The following AHRR variants were observed in gnomAD, a reference collection of about 807,000 sequenced individuals.
AHRR encodes aryl hydrocarbon receptor repressor.
In AHRR, 28 loss-of-function variants were observed where a neutral mutation model predicts 44.0. The ratio of observed to expected loss-of-function variants is 0.64; its 90% CI spans 0.47 to 0.87. AHRR has a LOEUF of 0.87. Ranked by LOEUF, AHRR falls within the 40% of genes least tolerant of loss-of-function variation. The pLI is 0.00. For missense variants in AHRR, 990 were observed against 953.9 expected, an observed-to-expected ratio of 1.04 and a Z score of -0.50; for synonymous variants, 434 against 407.0, an observed-to-expected ratio of 1.07 and a Z score of -0.80.
At chr5:372,490 C>G (rs1315077193) in intron 3 of AHRR, among the ~76,000 whole-genome samples, 1 of 152,080 alleles carries the variant, frequency 6.6e-6, no homozygotes, top group Non-Finnish European at 1.5e-5. Context: ...CTTCATCTCG[C>G]CTTCTTTTCA....
chr5:429,703 C>G (rs72717414), intron 8 of AHRR, among the ~76,000 whole-genome samples: 40,287 of 152,258 alleles, frequency 0.26, 6,959 homozygotes, highest in Non-Finnish European at 0.39. Context: ...GTAGCAAATA[C>G]TGAGTGGGAA....
Position 437,243 on chromosome 5 carries a change from A to G in AHRR, c.*2409A>G, listed in dbSNP as rs906574105. 2.0e-5 allele frequency: 3 copies of G among 152,332 alleles called. No homozygotes were observed. Among genetic ancestry groups the G allele is most frequent in the Non-Finnish European group, 2.9e-5 (2 of 68,050 alleles). 9.4% of individuals were successfully genotyped at this position (152,332 alleles called of 1,614,324 possible). ...CCTGAAAAAGTCTCAATCAACATGC[A>G]TGTTCCACTCTTGGAGTTCCCTGTT... On this transcript the variant is annotated 3_prime_UTR_variant, in exon 11 of 11. Transcript: ENST00000684583.
chr5:351,905 A>T (rs891970328), intron 2 of AHRR, among the ~76,000 whole-genome samples: 3 of 152,216 alleles, frequency 2.0e-5, no homozygotes, highest in Admixed American at 2.0e-4. Context: ...TCACTCATAA[A>T]TGCAAACACC....
At chr5:386,883 C>T (rs1734186951) in intron 4 of AHRR, among the ~76,000 whole-genome samples, 1 of 152,180 alleles carries the variant, frequency 6.6e-6, no homozygotes, top group South Asian at 2.1e-4. Context: ...ACCCAGACTT[C>T]ATCCCGGACA....
chr5:414,542 GCTCACAATGCAAGTTATAAA>G, intron 5 of AHRR, among the ~76,000 whole-genome samples: 1 of 152,120 alleles, frequency 6.6e-6, no homozygotes, highest in African/African-American at 2.4e-5. Flanking sequence ...CTGCAAATGA[GCTCACAATGCAAGTTATAAA>G]CCCAAGGAAG....
At chr5:344,178 C>T (rs1181741473) in intron 2 of AHRR, among the ~76,000 whole-genome samples, 1 of 151,050 alleles carries the variant, frequency 6.6e-6, no homozygotes, top group Non-Finnish European at 1.5e-5. Context: ...CGTCCCTGCG[C>T]CCTCGGGGCC....
intron 8 of AHRR, among the ~76,000 whole-genome samples, chr5:429,046 G>A (rs897359957): frequency 2.6e-5 from 4 of 152,236 alleles, no homozygotes; most frequent in African/African-American, 9.6e-5. Context: ...ACCAATCTGT[G>A]GCTGGGGGCT....
At position 388,179 on chromosome 5, in the gene AHRR, A is replaced by G. The variant is rs910461842; in HGVS notation, c.351+11463A>G. Among the ~76,000 whole-genome samples, 20 of 152,176 alleles carry G rather than the reference A, an allele frequency of 1.3e-4. No homozygotes were observed. Among genetic ancestry groups the G allele is most frequent in the African/African-American group, 4.1e-4 (17 of 41,444 alleles). ...GGAGGACACCACTCAGCCCAGTACC[A>G]CTGTGCTTACCTCACAGCTCTATCG... On this transcript the variant is annotated intron_variant, in intron 4 of 10. Transcript: ENST00000684583. The surrounding 1 kb of genome is among the most constrained non-coding windows in gnomAD (Gnocchi z 5.2).
At chr5:375,074 G>A (rs1743732027) in intron 3 of AHRR, among the ~76,000 whole-genome samples, 1 of 152,182 alleles carries the variant, frequency 6.6e-6, no homozygotes, top group Admixed American at 6.5e-5. Context: ...GAGGATTCCT[G>A]GGAGCAGGAG....
At chr5:426,307 TGATG>T (rs1381388253) in intron 7 of AHRR, among the ~76,000 whole-genome samples, 2 of 146,006 alleles carry the variant, frequency 1.4e-5, no homozygotes, top group African/African-American at 2.6e-5. Context: ...GATGAGAAGA[TGATG>T]GATGGTTGGA....
At position 434,938 on chromosome 5, in the gene AHRR, A is replaced by G. The variant is rs929264567; in HGVS notation, c.*104A>G. ...CAGGCCGGAGCCCGTCCTAAGACAC[A>G]CGCTTTGCAGAGCTGTGCATGCGCA... On this transcript the variant is annotated 3_prime_UTR_variant, in exon 11 of 11. Coordinates refer to ENST00000684583, the MANE Select transcript of AHRR (RefSeq NM_001377236.1). The G allele has an allele frequency of 2.1e-6, 3 of 1,432,120 alleles. No homozygotes were observed. The highest frequency in any genetic ancestry group is 2.8e-5 in the African/African-American group (2 of 70,544). The allele number at this position is 1,432,120 out of a possible 1,614,324, so 88.7% of individuals were successfully genotyped here.
intron 3 of AHRR, among the ~76,000 whole-genome samples, chr5:363,682 C>T (rs1453260737): frequency 6.6e-6 from 1 of 152,196 alleles, no homozygotes; most frequent in East Asian, 1.9e-4. Flanking sequence ...CTGCCCACCA[C>T]CAGCCTCAGA....
chr5:432,549 T>A, intron 9 of AHRR, 25 bp downstream of exon 9: 1 of 1,608,126 alleles, frequency 6.2e-7, no homozygotes, highest in Non-Finnish European at 8.5e-7. Flanking sequence ...TCTTATCTGA[T>A]CTTTTCCACA....
At chr5:397,911 T>G (rs1734814040) in intron 4 of AHRR, among the ~76,000 whole-genome samples, 1 of 100,238 alleles carries the variant, frequency 1.0e-5, no homozygotes, top group Non-Finnish European at 2.1e-5. Context: ...CCATCCATGT[T>G]AGCCCCTGAC....
chr5:421,041 C>T (rs375665058), intron 5 of AHRR: 6 of 513,114 alleles, frequency 1.2e-5, no homozygotes, highest in South Asian at 9.2e-5. Context: ...TAGCAAGAAA[C>T]GTGGCCTATC....
intron 7 of AHRR, among the ~76,000 whole-genome samples, chr5:426,310 T>G (rs1736386428): frequency 7.0e-6 from 1 of 143,636 alleles, no homozygotes; most frequent in South Asian, 2.3e-4. Context: ...GAGAAGATGA[T>G]GGATGGTTGG....
chr5:414,757 TCAAAA>T (rs1241143768), intron 5 of AHRR, among the ~76,000 whole-genome samples: 2 of 152,164 alleles, frequency 1.3e-5, no homozygotes, highest in African/African-American at 2.4e-5. Flanking sequence ...TTGAGAAAGA[TCAAAA>T]CAAAACTTTG....
chr5:416,189 G>C (rs1014597514), intron 5 of AHRR, among the ~76,000 whole-genome samples: 10 of 152,240 alleles, frequency 6.6e-5, no homozygotes, highest in African/African-American at 2.2e-4. Flanking sequence ...GGAACACCGT[G>C]CAGTGGACAT....
chr5:344,501 TGG>T (rs1270669653), intron 2 of AHRR, among the ~76,000 whole-genome samples: 23 of 1,670 alleles, frequency 0.014, no homozygotes, highest in East Asian at 0.023. Flanking sequence ...TGTGTGTGTG[TGG>T]GTGTGTGTGT....
Sources: gnomAD v4.1 joint callset for allele counts (sites outside exome capture counted in the v4.1 genomes callset) on GRCh38, gnomAD v4.1.1 for gene constraint, Gnocchi (gnomAD v3.1) non-coding constraint, MANE v1.5 for transcripts, NCBI Gene and HGNC (gene_info 2026-07-23, HGNC 2026-07-21) for gene names.